PCGF2: variants seen among roughly 807,000 people sequenced by gnomAD.
The protein encoded by PCGF2 is polycomb group ring finger 2.
In PCGF2, 8 loss-of-function variants were observed where a neutral mutation model predicts 36.1. The observed-to-expected ratio is 0.22, with a 90% CI of 0.13 to 0.40. The LOEUF (loss-of-function observed/expected upper bound fraction) is 0.40, where lower values mean the gene tolerates loss of function less well. Among genes scored for constraint, PCGF2 ranks in the 10% least tolerant of loss-of-function variants. The pLI, the probability that PCGF2 is intolerant of heterozygous loss-of-function variation, is 1.00. For synonymous variants in PCGF2, 198 were observed against 191.2 expected (o/e 1.04, Z -0.29); for missense variants, 436 against 475.9 (o/e 0.92, Z 0.78).
intron 9 of PCGF2, among the ~76,000 whole-genome samples, chr17:38,736,537 T>C (rs1265270846): frequency 6.6e-6 from 1 of 152,132 alleles, no homozygotes; most frequent in Non-Finnish European, 1.5e-5. Flanking sequence ...CAGGGAGCTT[T>C]AAAAAACACC....
chr17:38,741,401 G>A (rs745627469), intron 2 of PCGF2, among the ~76,000 whole-genome samples: 3 of 152,156 alleles, frequency 2.0e-5, no homozygotes, highest in Non-Finnish European at 2.9e-5. Context: ...TCAAGGAATA[G>A]AAGAAGGGAA....
chr17:38,740,414 CGGGGGT>C lies in PCGF2; in HGVS notation c.-18_-13del. Reference sequence around the variant, plus strand: ...GTAGTCCGATGCATGATTCCGGGGTCGGGGGTGGGGGGACTGGGGAGCGTTGCCCTG... The same window carrying C: ...GTAGTCCGATGCATGATTCCGGGGTCGGGGGGACTGGGGAGCGTTGCCCTG... On this transcript the variant is annotated 5_prime_UTR_variant, in exon 3 of 11. Coordinates refer to ENST00000620225, the MANE Select transcript of PCGF2 (RefSeq NM_007144.3). 1 of 1,213,648 alleles carries C rather than the reference CGGGGGT, an allele frequency of 8.2e-7. No homozygotes were observed. The allele number at this position is 1,213,648 out of a possible 1,614,324, so 75.2% of individuals were successfully genotyped here.
upstream of PCGF2, chr17:38,749,435 G>A (rs1018686223): frequency 2.4e-5 from 8 of 331,980 alleles, 1 homozygote; most frequent in African/African-American, 1.3e-4. This position sits in a 1 kb window ranked among gnomAD's most constrained non-coding sequence, Gnocchi z 6.5. Flanking sequence ...GGAAACGCCG[G>A]GAGTAGCGGT....
upstream of PCGF2, among the ~76,000 whole-genome samples, chr17:38,748,701 G>T (rs1483771503): frequency 6.6e-6 from 1 of 152,152 alleles, no homozygotes; most frequent in Non-Finnish European, 1.5e-5. Flanking sequence ...TAACTGGGGC[G>T]CCTGGAAAAT....
chr17:38,735,698 A>G, intron 10 of PCGF2, 98 bp from the exon 11 acceptor site: 2 of 1,425,718 alleles, frequency 1.4e-6, no homozygotes, highest in Non-Finnish European at 1.8e-6. Flanking sequence ...CAGTGTCCAA[A>G]CTCGAAAAAA....
chr17:38,738,484 C>T, intron 8 of PCGF2, 36 bp from the exon 9 acceptor site: 1 of 1,613,020 alleles, frequency 6.2e-7, no homozygotes. Flanking sequence ...AGGGGATCCA[C>T]CCCAGGCCAC....
chr17:38,739,459 G>C lies in PCGF2; in HGVS notation c.209+127C>G, dbSNP rs1907024511. 2 of 914,658 alleles carry C rather than the reference G, an allele frequency of 2.2e-6. No individual in the cohort carries two copies. The highest frequency in any genetic ancestry group is 1.8e-5 in the Admixed American group (1 of 55,994). 56.7% of individuals were successfully genotyped at this position (914,658 alleles called of 1,614,324 possible). On this transcript the variant is annotated intron_variant, in intron 4 of 10. Transcript: ENST00000620225. This position sits in a 1 kb window ranked among gnomAD's most constrained non-coding sequence, Gnocchi z 4.0. ...AATGTAACCCCAAGGTCGGGGAGTA[G>C]CCCAGGTCCACACCCCATGCTTCTC...
At chr17:38,737,593 C>T (rs2143080336) in intron 9 of PCGF2, among the ~76,000 whole-genome samples, 1 of 152,244 alleles carries the variant, frequency 6.6e-6, no homozygotes, top group South Asian at 2.1e-4. Context: ...GATCCATGGA[C>T]CTTCAGTACC....
chr17:38,744,265 G>A (rs751383474), intron 2 of PCGF2, among the ~76,000 whole-genome samples: 2 of 152,122 alleles, frequency 1.3e-5, no homozygotes, highest in Admixed American at 6.5e-5. Flanking sequence ...ATCCAACCCC[G>A]ACCCCTCTTT....
upstream of PCGF2, chr17:38,749,465 C>A: frequency 2.8e-6 from 1 of 359,282 alleles, no homozygotes; most frequent in Non-Finnish European, 5.8e-6. The surrounding 1 kb of genome is among the most constrained non-coding windows in gnomAD (Gnocchi z 6.5). Flanking sequence ...GCCGGGGAAG[C>A]GAATCGATAC....
chr17:38,739,623 C>A lies in PCGF2; in HGVS notation c.172G>T (p.Val58Leu). Residue 58 changes from valine (V) to leucine (L), a missense_variant, in exon 4 of 11, where the codon GTG (valine) becomes TTG (leucine). Val to Leu is a conservative substitution (Grantham distance 32). Around this residue, in one of 3 missense-constraint regions of PCGF2, gnomAD observed 189 missense variants for 219.3 expected, o/e 0.86. Coordinates refer to ENST00000620225, the MANE Select transcript of PCGF2 (RefSeq NM_007144.3). This position sits in a 1 kb window ranked among gnomAD's most constrained non-coding sequence, Gnocchi z 4.0. ...ETNKYCPMCD[V>L]QVHKTRPLLS... The stretch of plus-strand genomic sequence containing the variant: ...AGCGGCCGGGTTTTATGGACCTGCA[C>A]GTCACACATGGGGCAGTATTTGTTG... 1.2e-6 allele frequency: 2 copies of A among 1,614,060 alleles called. No individual in the cohort carries two copies. Among genetic ancestry groups the A allele is most frequent in the Non-Finnish European group, 1.7e-6 (2 of 1,179,950 alleles).
At position 38,735,571 on chromosome 17, in the gene PCGF2, G is replaced by C. The variant is rs1052082284; in HGVS notation, c.687C>G (p.Val229=). The C allele has an allele frequency of 1.9e-6, 3 of 1,584,006 alleles. No homozygotes were observed. Among genetic ancestry groups the C allele is most frequent in the Non-Finnish European group, 2.6e-6 (3 of 1,164,322 alleles). ...GGGTGAGCCGCTTGCAGGCTGGCTGGACACGGTACTTGAGGGGGAGAGGCC... is the reference window on the plus strand; with the variant it reads ...GGGTGAGCCGCTTGCAGGCTGGCTGCACACGGTACTTGAGGGGGAGAGGCC... ...RNGPLPLKYR[V]QPACKRLTLA... Residue 229 remains valine (V), a synonymous_variant, in exon 11 of 11, where the codon GTC becomes GTG. Coordinates refer to ENST00000620225, the MANE Select transcript of PCGF2 (RefSeq NM_007144.3).
chr17:38,747,011 G>A (rs890299174), intron 2 of PCGF2, among the ~76,000 whole-genome samples: 1 of 152,172 alleles, frequency 6.6e-6, no homozygotes, highest in Non-Finnish European at 1.5e-5. Context: ...GGACAACCAG[G>A]AGACAGCCCT....
chr17:38,735,359 G>A lies in PCGF2; in HGVS notation c.899C>T (p.Pro300Leu), dbSNP rs1450948881. The A allele has an allele frequency of 5.1e-6, 8 of 1,560,728 alleles. No individual in the cohort carries two copies. Among genetic ancestry groups the A allele is most frequent in the Non-Finnish European group, 7.0e-6 (8 of 1,150,902 alleles). The change falls in exon 11 of 11, where the codon CCC becomes CTC. Residue 300 changes from proline to leucine, a missense_variant. Physicochemically the swap from Pro to Leu is moderately conservative, Grantham distance 98. Around this residue, in one of 3 missense-constraint regions of PCGF2, gnomAD observed 227 missense variants for 212.9 expected, o/e 1.07. Transcript: ENST00000620225. Reference sequence around the variant, plus strand: ...CCCACTGGCTGTCGAAGGGGGAGTGGGGGAGGTAGGGTGGGTGGCTGGAGG... The same window carrying A: ...CCCACTGGCTGTCGAAGGGGGAGTGAGGGAGGTAGGGTGGGTGGCTGGAGG... ...HGPPATHPTS[P>L]TPPSTASGAT...
Position 38,735,174 on chromosome 17 carries a change from T to C in PCGF2, c.*49A>G, listed in dbSNP as rs1030873311. On this transcript the variant is annotated 3_prime_UTR_variant, in exon 11 of 11. Transcript: ENST00000620225. ...GGTGGAAAAAAGGGCCCAGAAAAAG[T>C]GGAAGGAGTGGAGAGGCTTGGCTGG... The C allele has an allele frequency of 1.2e-5, 15 of 1,277,126 alleles. No homozygotes were observed. In the African/African-American group the frequency reaches 2.3e-4, roughly 20 times the overall value. 79.1% of individuals were successfully genotyped at this position (1,277,126 alleles called of 1,614,324 possible).
chr17:38,739,648 G>A lies in PCGF2; in HGVS notation c.147C>T (p.Thr49=). 1 of 1,614,064 alleles carries A rather than the reference G, an allele frequency of 6.2e-7. No individual in the cohort carries two copies. Among genetic ancestry groups the A allele is most frequent in the Non-Finnish European group, 8.5e-7 (1 of 1,179,982 alleles). ...CGTCACACATGGGGCAGTATTTGTTGGTCTCCAGGTAGCGCACGATGCAGG... is the reference window on the plus strand; with the variant it reads ...CGTCACACATGGGGCAGTATTTGTTAGTCTCCAGGTAGCGCACGATGCAGG... ...CKTCIVRYLE[T]NKYCPMCDVQ... is the part of the protein sequence containing the mutation. The change falls in exon 4 of 11, where the codon ACC becomes ACT. Residue 49 remains threonine, a synonymous_variant. Coordinates refer to ENST00000620225, the MANE Select transcript of PCGF2 (RefSeq NM_007144.3). This position sits in a 1 kb window ranked among gnomAD's most constrained non-coding sequence, Gnocchi z 4.0.
At position 38,739,075 on chromosome 17, in the gene PCGF2, CAG is replaced by C. The variant is rs1199579250; in HGVS notation, c.307_308del (p.Leu103AspfsTer9). On this transcript the variant is annotated frameshift_variant, in exon 6 of 11. Coordinates refer to ENST00000620225, the MANE Select transcript of PCGF2 (RefSeq NM_007144.3). LOFTEE classifies it high-confidence loss of function. The surrounding 1 kb of genome is among the most constrained non-coding windows in gnomAD (Gnocchi z 4.0). ...AGACGCGAGCACACTCACCCTCCGT[CAG>C]GGGGTACGCTGCATAGAAATCCCGC... ...RRRDFYAAYP[L>X]TEVPNGSNED... The C allele has an allele frequency of 4.3e-6, 7 of 1,613,070 alleles. No individual in the cohort carries two copies. The highest frequency in any genetic ancestry group is 1.3e-5 in the African/African-American group (1 of 74,876).
chr17:38,738,774 A>G lies in PCGF2; in HGVS notation c.404T>C (p.Ile135Thr). Reference protein sequence around the residue: ...LSDDEIVSLSIEFYEGARDRD... With the variant: ...LSDDEIVSLSTEFYEGARDRD... Reference sequence around the variant, plus strand: ...TTGCCTGGCACCTTCGTAGAATTCGATGGAGAGGCTGACAATCTCATCATC... The same window carrying G: ...TTGCCTGGCACCTTCGTAGAATTCGGTGGAGAGGCTGACAATCTCATCATC... Residue 135 changes from isoleucine (I) to threonine (T), a missense_variant, in exon 7 of 11, where the codon ATC becomes ACC. Ile to Thr is a moderately conservative substitution (Grantham distance 89). Transcript: ENST00000620225. 6.2e-7 allele frequency: 1 copy of G among 1,613,866 alleles called. No individual in the cohort carries two copies.
chr17:38,741,750 T>G (rs954609104), intron 2 of PCGF2, among the ~76,000 whole-genome samples: 2 of 152,128 alleles, frequency 1.3e-5, no homozygotes, highest in African/African-American at 2.4e-5. Flanking sequence ...ATGCCTGAAG[T>G]TGGGAACGTG....
Sources: allele counts gnomAD v4.1 joint callset (sites outside exome capture counted in the v4.1 genomes callset), GRCh38; gene constraint gnomAD v4.1.1; regional missense constraint gnomAD v4.1.1; non-coding constraint Gnocchi (gnomAD v3.1); transcripts MANE v1.5; gene names NCBI Gene and HGNC (gene_info 2026-07-23, HGNC 2026-07-21).